TENM3: variants seen among roughly 807,000 people sequenced by gnomAD.
TENM3 encodes the protein teneurin-3.
Under a neutral mutation model 255.1 loss-of-function variants are expected in TENM3, and 63 were observed. That is an observed-to-expected ratio of 0.25 (90% CI 0.20 to 0.30). The LOEUF is 0.30. Ranked by LOEUF, TENM3 falls within the 10% of genes least tolerant of loss-of-function variation. The pLI is 1.00. For synonymous variants in TENM3, 1,306 were observed against 1,322.3 expected (o/e 0.99, Z 0.27); for missense variants, 2,929 against 3,461.1 (o/e 0.85, Z 3.86).
chr4:181,963,033 A>G, the TENM3 span, among the ~76,000 whole-genome samples: 1 of 152,142 alleles, frequency 6.6e-6, no homozygotes, highest in South Asian at 2.1e-4. Context: ...TCCAGACAGA[A>G]AAGTTTATTT....
At position 182,188,401 on chromosome 4, in the gene TENM3, C is replaced by T. The variant is rs530174660; in HGVS notation, c.-76+43647C>T. Among the ~76,000 whole-genome samples, 3 of 152,252 alleles carry T rather than the reference C, an allele frequency of 2.0e-5. No homozygotes were observed. In the South Asian group the frequency reaches 6.2e-4, roughly 32 times the overall value. On this transcript the variant is annotated intron_variant, in intron 1 of 2. Coordinates refer to the TENM3 transcript ENST00000512480. ...TCATCTTCTGACATTAAATTAAACA[C>T]CTAGATTCGGCTCCATATGTCTCAG...
chr4:181,510,568 T>TAA, the TENM3 span, among the ~76,000 whole-genome samples: 2 of 151,892 alleles, frequency 1.3e-5, no homozygotes, highest in African/African-American at 4.8e-5. Context: ...CACATTTTTT[T>TAA]TAAAAAAAGA....
rs1767018431 is a variant in TENM3, at chr4:182,802,118, T to C, written c.*1767T>C. ...ACTCTAAATTGCACAGTAGGCGTGT[T>C]TATTAAACAGATGATTGGCTGGGAA... On this transcript the variant is annotated 3_prime_UTR_variant, in exon 28 of 28. Coordinates refer to ENST00000511685, the MANE Select transcript of TENM3 (RefSeq NM_001080477.4). 1 of 152,698 alleles carries C rather than the reference T, an allele frequency of 6.5e-6. No individual in the cohort carries two copies. Among genetic ancestry groups the C allele is most frequent in the Non-Finnish European group, 1.5e-5 (1 of 68,054 alleles). 9.5% of individuals were successfully genotyped at this position (152,698 alleles called of 1,614,324 possible).
intron 3 of TENM3, among the ~76,000 whole-genome samples, chr4:182,413,993 G>A (rs1770192502): frequency 6.6e-6 from 1 of 152,158 alleles, no homozygotes; most frequent in South Asian, 2.1e-4. Context: ...GTGTACTATT[G>A]TTGGAATATG....
chr4:181,945,040 C>T, the TENM3 span, among the ~76,000 whole-genome samples: 5 of 151,958 alleles, frequency 3.3e-5, no homozygotes, highest in Middle Eastern at 3.2e-3. Context: ...CATCTATTTG[C>T]CCACCACGAC....
chr4:181,492,947 C>T, the TENM3 span, among the ~76,000 whole-genome samples: 1,361 of 151,730 alleles, frequency 9.0e-3, 17 homozygotes, highest in South Asian at 0.033. Flanking sequence ...TCTCTATATA[C>T]CATTTGATTA....
At chr4:181,503,040 C>T in the TENM3 span, among the ~76,000 whole-genome samples, 16 of 152,244 alleles carry the variant, frequency 1.1e-4, no homozygotes, top group East Asian at 2.7e-3. Context: ...TGGGAAGACA[C>T]TTTGGAAACT....
chr4:181,570,755 T>C, the TENM3 span, among the ~76,000 whole-genome samples: 1 of 152,062 alleles, frequency 6.6e-6, no homozygotes, highest in African/African-American at 2.4e-5. Context: ...AGGATTGGTG[T>C]GAGTTGGGGT....
At chr4:181,844,783 C>T in the TENM3 span, among the ~76,000 whole-genome samples, 1 of 152,146 alleles carries the variant, frequency 6.6e-6, no homozygotes, top group Non-Finnish European at 1.5e-5. Context: ...AGATGCTCTT[C>T]GGGGTAAGTG....
chr4:181,570,035 C>CTTTTTTTT, the TENM3 span, among the ~76,000 whole-genome samples: 1 of 113,874 alleles, frequency 8.8e-6, no homozygotes, highest in Non-Finnish European at 1.8e-5. Context: ...ACAAATGTTT[C>CTTTTTTTT]TTTTTTTTTT....
the TENM3 span, among the ~76,000 whole-genome samples, chr4:181,973,658 A>T: frequency 6.6e-6 from 1 of 152,258 alleles, no homozygotes; most frequent in African/African-American, 2.4e-5. Context: ...CTACTCAGGA[A>T]GCTGAGGCAA....
chr4:181,770,456 C>T, the TENM3 span, among the ~76,000 whole-genome samples: 1 of 152,012 alleles, frequency 6.6e-6, no homozygotes, highest in Non-Finnish European at 1.5e-5. Flanking sequence ...GGGTGGATCA[C>T]GAGGTCAGGA....
chr4:181,634,061 C>T, the TENM3 span, among the ~76,000 whole-genome samples: 1 of 152,350 alleles, frequency 6.6e-6, no homozygotes, highest in South Asian at 2.1e-4. Flanking sequence ...CAGTCTAACA[C>T]ATCGATGGTA....
At chr4:182,546,521 A>G (rs545466201) in intron 3 of TENM3, among the ~76,000 whole-genome samples, 1 of 152,150 alleles carries the variant, frequency 6.6e-6, no homozygotes, top group East Asian at 1.9e-4. Flanking sequence ...CTGAAGCCTC[A>G]ACCTCATGGG....
At chr4:182,038,129 A>G in the TENM3 span, among the ~76,000 whole-genome samples, 1 of 152,196 alleles carries the variant, frequency 6.6e-6, no homozygotes, top group African/African-American at 2.4e-5. Context: ...TGTTCATCTC[A>G]AGATAGTCTA....
the TENM3 span, among the ~76,000 whole-genome samples, chr4:181,928,650 G>A: frequency 2.6e-5 from 4 of 152,138 alleles, no homozygotes; most frequent in African/African-American, 9.6e-5. Flanking sequence ...AGCAAGACAG[G>A]CCAATATTCA....
At chr4:181,552,079 T>A in the TENM3 span, among the ~76,000 whole-genome samples, 1 of 152,050 alleles carries the variant, frequency 6.6e-6, no homozygotes, top group African/African-American at 2.4e-5. Flanking sequence ...TGTGTTTAAA[T>A]GTAAAGAACA....
chr4:182,491,037 C>A (rs1011133791), intron 3 of TENM3, among the ~76,000 whole-genome samples: 1 of 152,180 alleles, frequency 6.6e-6, no homozygotes, highest in Non-Finnish European at 1.5e-5. Context: ...AAATCAAGAA[C>A]TTTAAATTAT....
intron 6 of TENM3, among the ~76,000 whole-genome samples, chr4:182,667,161 C>A (rs963407724): frequency 2.8e-5 from 4 of 144,350 alleles, no homozygotes; most frequent in African/African-American, 1.0e-4. Context: ...TCATTGAAAT[C>A]AAAGTTACCA....
Sources: allele counts gnomAD v4.1 joint callset (sites outside exome capture counted in the v4.1 genomes callset), GRCh38; gene constraint gnomAD v4.1.1; transcripts MANE v1.5; gene names NCBI Gene and HGNC (gene_info 2026-07-23, HGNC 2026-07-21).